The following MEGF11 variants were observed in gnomAD, a reference collection of about 807,000 sequenced individuals.
MEGF11 encodes multiple epidermal growth factor-like domains protein 11.
In MEGF11, 126 loss-of-function variants were observed where a neutral mutation model predicts 146.6. The observed-to-expected ratio is 0.86, with a 90% CI of 0.74 to 1.00. MEGF11 has a LOEUF of 1.00. Among genes scored for constraint, MEGF11 ranks in the 50% least tolerant of loss-of-function variants. The pLI, the probability that MEGF11 is intolerant of heterozygous loss-of-function variation, is 0.00. For missense variants in MEGF11, 1,509 were observed against 1,521.2 expected, an observed-to-expected ratio of 0.99 and a Z score of 0.13; for synonymous variants, 532 against 583.4, an observed-to-expected ratio of 0.91 and a Z score of 1.27.
intron 5 of MEGF11, among the ~76,000 whole-genome samples, chr15:65,985,999 T>G (rs1434682906): frequency 6.6e-6 from 1 of 151,160 alleles, no homozygotes; most frequent in Non-Finnish European, 1.5e-5. Context: ...TTGCCCAGGC[T>G]GGAGTGCAGT....
intron 1 of MEGF11, 97 bp from the exon 2 acceptor site, chr15:66,128,508 T>A: frequency 1.6e-6 from 1 of 606,082 alleles, no homozygotes; most frequent in African/African-American, 1.9e-5. Context: ...CATTTGATAT[T>A]TCACATTGCA....
intron 5 of MEGF11, among the ~76,000 whole-genome samples, chr15:66,054,905 A>G (rs1428165397): frequency 6.6e-6 from 1 of 152,178 alleles, no homozygotes; most frequent in African/African-American, 2.4e-5. Flanking sequence ...TACAAAAGGG[A>G]AGAAGGGAAT....
chr15:66,152,453 A>G (rs1421748846), intron 1 of MEGF11, among the ~76,000 whole-genome samples: 1 of 152,164 alleles, frequency 6.6e-6, no homozygotes, highest in Non-Finnish European at 1.5e-5. Context: ...TTCTAGGCAG[A>G]TAAACAGAAA....
chr15:65,980,725 T>G, intron 7 of MEGF11, 53 bp downstream of exon 7: 1 of 1,521,592 alleles, frequency 6.6e-7, no homozygotes, highest in Non-Finnish European at 8.8e-7. Context: ...TATGTGTGAG[T>G]GATGAAGGCT....
At chr15:66,210,862 C>T (rs575607679) in intron 1 of MEGF11, among the ~76,000 whole-genome samples, 2 of 152,320 alleles carry the variant, frequency 1.3e-5, no homozygotes, top group Middle Eastern at 3.4e-3. Context: ...TCGCCAGGGC[C>T]ACTGGTTCCA....
chr15:66,127,425 G>C (rs2088410185), intron 2 of MEGF11, among the ~76,000 whole-genome samples: 1 of 152,184 alleles, frequency 6.6e-6, no homozygotes, highest in Admixed American at 6.5e-5. Flanking sequence ...CCTGGCTGAG[G>C]TGCCTTTCCC....
At chr15:66,118,342 T>C (rs2087837232) in intron 4 of MEGF11, among the ~76,000 whole-genome samples, 1 of 152,192 alleles carries the variant, frequency 6.6e-6, no homozygotes, top group Non-Finnish European at 1.5e-5. Context: ...AGCCCAGATC[T>C]ACAGGCTCCT....
At chr15:66,198,624 T>C (rs2091069979) in intron 1 of MEGF11, among the ~76,000 whole-genome samples, 1 of 151,818 alleles carries the variant, frequency 6.6e-6, no homozygotes, top group South Asian at 2.1e-4. Flanking sequence ...TAGCTGGGAC[T>C]ACAGGCATGC....
intron 1 of MEGF11, among the ~76,000 whole-genome samples, chr15:66,242,805 A>G (rs191954487): frequency 2.0e-4 from 31 of 152,228 alleles, no homozygotes; most frequent in Admixed American, 4.6e-4. Context: ...CTCCTGCCCT[A>G]TCACGCCTTC....
At chr15:66,074,000 A>T (rs1362734167) in intron 5 of MEGF11, among the ~76,000 whole-genome samples, 1 of 152,248 alleles carries the variant, frequency 6.6e-6, no homozygotes, top group Non-Finnish European at 1.5e-5. Flanking sequence ...AATTAAAACA[A>T]CCATAGTGTA....
Position 65,909,761 on chromosome 15 carries a change from A to G in MEGF11, c.2875T>C (p.Tyr959His), listed in dbSNP as rs557825473. ...TGACCTAACACGTTCACATAGCTGT[A>G]GGGGGTCCAGCCTGCTGTGTCTCTG... ...LDRDTAGWTPYSYVNVLDSHF... is the reference protein window; with the variant it reads ...LDRDTAGWTPHSYVNVLDSHF... The change falls in exon 22 of 26, where the codon TAC (tyrosine) becomes CAC (histidine). Residue 959 changes from tyrosine to histidine, a missense_variant. Coordinates refer to ENST00000395614, the MANE Select transcript of MEGF11 (RefSeq NM_001385028.1). 5 of 1,584,644 alleles carry G rather than the reference A, an allele frequency of 3.2e-6. No individual in the cohort carries two copies. In the South Asian group the frequency reaches 4.5e-5, roughly 14 times the overall value.
chr15:66,036,348 T>C (rs1333612529), intron 5 of MEGF11, among the ~76,000 whole-genome samples: 1 of 152,266 alleles, frequency 6.6e-6, no homozygotes, highest in Non-Finnish European at 1.5e-5. Context: ...GTTCTGCCTT[T>C]GGGAACCCAA....
intron 5 of MEGF11, among the ~76,000 whole-genome samples, chr15:66,068,177 C>T (rs1365271359): frequency 6.6e-6 from 1 of 152,160 alleles, no homozygotes; most frequent in East Asian, 1.9e-4. Flanking sequence ...AGCTGTGAGC[C>T]CCAATAGGGC....
chr15:66,169,967 A>C (rs1226332104), intron 1 of MEGF11, among the ~76,000 whole-genome samples: 1 of 152,158 alleles, frequency 6.6e-6, no homozygotes, highest in African/African-American at 2.4e-5. Context: ...CCTTCTGCAC[A>C]ATTTATTTTG....
intron 1 of MEGF11, among the ~76,000 whole-genome samples, chr15:66,249,737 G>A (rs2092345199): frequency 6.6e-6 from 1 of 152,180 alleles, no homozygotes; most frequent in African/African-American, 2.4e-5. Context: ...TCCAGAACTA[G>A]AGAATCAGCA....
intron 1 of MEGF11, among the ~76,000 whole-genome samples, chr15:66,152,651 G>A (rs1217671191): frequency 3.9e-5 from 6 of 152,208 alleles, no homozygotes; most frequent in Non-Finnish European, 7.3e-5. Context: ...GATCTCTGTG[G>A]AGAGAAGCAC....
At chr15:66,205,354 G>T (rs1158931376) in intron 1 of MEGF11, among the ~76,000 whole-genome samples, 1 of 152,140 alleles carries the variant, frequency 6.6e-6, no homozygotes, top group Non-Finnish European at 1.5e-5. Context: ...TGAGGTGGGA[G>T]GATCACACAA....
chr15:66,124,177 C>G (rs936973441), intron 2 of MEGF11, among the ~76,000 whole-genome samples, 177 bp from the exon 3 acceptor site: 8 of 152,136 alleles, frequency 5.3e-5, no homozygotes, highest in African/African-American at 1.2e-4. Flanking sequence ...CATATTCCAG[C>G]CTCCCCGACC....
At chr15:65,923,138 G>A (rs192958329) in intron 13 of MEGF11, among the ~76,000 whole-genome samples, 169 bp from the exon 14 acceptor site, 146 of 152,326 alleles carry the variant, frequency 9.6e-4, no homozygotes, top group South Asian at 7.5e-3. Context: ...GGATTTTCAG[G>A]AAGAAGTGAT....
Sources: gnomAD v4.1 joint callset for allele counts (sites outside exome capture counted in the v4.1 genomes callset) on GRCh38, gnomAD v4.1.1 for gene constraint, MANE v1.5 for transcripts, NCBI Gene and HGNC (gene_info 2026-07-23, HGNC 2026-07-21) for gene names.